Variants in ATP8A2 observed in about 807,000 individuals in gnomAD.
ATP8A2 encodes phospholipid-transporting ATPase IB.
Under a neutral mutation model 165.6 loss-of-function variants are expected in ATP8A2, and 100 were observed. The observed-to-expected ratio is 0.60, with a 90% CI of 0.51 to 0.71. The LOEUF is 0.71. Among genes scored for constraint, ATP8A2 ranks in the 30% least tolerant of loss-of-function variants. The pLI, the probability that ATP8A2 is intolerant of heterozygous loss-of-function variation, is 0.00. For missense variants in ATP8A2, 1,227 were observed against 1,479.5 expected, an observed-to-expected ratio of 0.83 and a Z score of 2.80; for synonymous variants, 543 against 548.8, an observed-to-expected ratio of 0.99 and a Z score of 0.15.
intron 25 of ATP8A2, among the ~76,000 whole-genome samples, chr13:25,741,732 A>G (rs1437968573): frequency 6.6e-6 from 1 of 152,196 alleles, no homozygotes; most frequent in African/African-American, 2.4e-5. Flanking sequence ...ATCTTCAACT[A>G]AAATACAACC....
chr13:25,744,331 C>T (rs34148127), intron 25 of ATP8A2, among the ~76,000 whole-genome samples: 6,022 of 152,044 alleles, frequency 0.04, 158 homozygotes, highest in Non-Finnish European at 0.06. Flanking sequence ...CACCACCCCC[C>T]CGTGTGTATG....
intron 27 of ATP8A2, among the ~76,000 whole-genome samples, chr13:25,784,456 C>T (rs1340775227): frequency 1.3e-5 from 2 of 152,226 alleles, no homozygotes; most frequent in East Asian, 1.9e-4. Context: ...TCAGAGACAG[C>T]ACCCACATAG....
chr13:25,519,256 G>A (rs987162154), intron 2 of ATP8A2, among the ~76,000 whole-genome samples: 3 of 152,048 alleles, frequency 2.0e-5, no homozygotes, highest in African/African-American at 7.3e-5. Context: ...ACCTTCCCTC[G>A]CCACTCTGTT....
intron 21 of ATP8A2, 54 bp from the exon 22 acceptor site, chr13:25,579,754 C>T: frequency 6.2e-7 from 1 of 1,600,068 alleles, no homozygotes; most frequent in Non-Finnish European, 8.6e-7. Flanking sequence ...ACAGGCTGTC[C>T]CCTAGGAGGT....
At chr13:25,986,926 A>T (rs923331272) in intron 35 of ATP8A2, among the ~76,000 whole-genome samples, 1 of 152,220 alleles carries the variant, frequency 6.6e-6, no homozygotes, top group Non-Finnish European at 1.5e-5. Context: ...CACTCTCTGT[A>T]CTGTTTATCC....
chr13:25,453,912 G>A (rs559025387), intron 1 of ATP8A2, among the ~76,000 whole-genome samples: 9 of 152,284 alleles, frequency 5.9e-5, no homozygotes, highest in Non-Finnish European at 1.2e-4. Context: ...CCTGAAGCTG[G>A]TATTGAAATT....
chr13:25,730,931 C>G (rs2043608146), intron 25 of ATP8A2, among the ~76,000 whole-genome samples: 1 of 151,768 alleles, frequency 6.6e-6, no homozygotes, highest in South Asian at 2.1e-4. Flanking sequence ...AAAAATTAGC[C>G]AGGTTGGCGG....
intron 1 of ATP8A2, among the ~76,000 whole-genome samples, chr13:25,379,192 G>T (rs2032747593): frequency 6.6e-6 from 1 of 152,120 alleles, no homozygotes; most frequent in African/African-American, 2.4e-5. Flanking sequence ...TTCACACATT[G>T]CAGGGAAGCA....
At chr13:25,723,486 G>C (rs2043428046) in intron 25 of ATP8A2, among the ~76,000 whole-genome samples, 1 of 152,156 alleles carries the variant, frequency 6.6e-6, no homozygotes, top group Non-Finnish European at 1.5e-5. Flanking sequence ...TGAGTTTCTT[G>C]TAGTTAGAAT....
intron 33 of ATP8A2, chr13:25,880,985 T>C (rs1341824904): frequency 2.2e-6 from 1 of 456,072 alleles, no homozygotes; most frequent in Non-Finnish European, 4.4e-6. Flanking sequence ...AAAGATTGAG[T>C]TTGTGTAGAC....
chr13:25,938,327 C>T (rs1039794569), intron 33 of ATP8A2, among the ~76,000 whole-genome samples: 2 of 152,058 alleles, frequency 1.3e-5, no homozygotes, highest in Non-Finnish European at 2.9e-5. Flanking sequence ...TGGAAATATG[C>T]GGGAGAATAC....
chr13:25,390,607 T>C (rs2137967317), intron 1 of ATP8A2, among the ~76,000 whole-genome samples: 2 of 152,298 alleles, frequency 1.3e-5, no homozygotes, highest in South Asian at 4.1e-4. Context: ...GTCTTCTTTG[T>C]CTGGCTTCTT....
chr13:25,621,204 G>A (rs1209857698), intron 24 of ATP8A2, among the ~76,000 whole-genome samples: 1 of 152,132 alleles, frequency 6.6e-6, no homozygotes, highest in Non-Finnish European at 1.5e-5. Flanking sequence ...GTTAAAAAAT[G>A]TTTACTTAGT....
chr13:25,923,504 G>C (rs567631951), intron 33 of ATP8A2, among the ~76,000 whole-genome samples: 1 of 152,190 alleles, frequency 6.6e-6, no homozygotes, highest in African/African-American at 2.4e-5. Flanking sequence ...TAATATTGAT[G>C]TCCAGCAGGC....
intron 35 of ATP8A2, among the ~76,000 whole-genome samples, chr13:25,968,935 C>T (rs151124793): frequency 1.3e-5 from 2 of 152,088 alleles, no homozygotes; most frequent in South Asian, 2.1e-4. Context: ...TGCAGAAAAT[C>T]GATGTTGTGG....
intron 33 of ATP8A2, among the ~76,000 whole-genome samples, chr13:25,926,669 T>A (rs535205576): frequency 6.6e-6 from 1 of 152,214 alleles, no homozygotes; most frequent in East Asian, 1.9e-4. Flanking sequence ...AAAATAAAAA[T>A]AAATGATTTA....
intron 1 of ATP8A2, among the ~76,000 whole-genome samples, chr13:25,416,389 T>C (rs546123214): frequency 6.6e-6 from 1 of 152,300 alleles, no homozygotes; most frequent in African/African-American, 2.4e-5. Flanking sequence ...GTCCTGTCAT[T>C]GCCATTGGAC....
intron 33 of ATP8A2, among the ~76,000 whole-genome samples, chr13:25,884,994 T>A (rs1953099137): frequency 6.6e-6 from 1 of 152,140 alleles, no homozygotes; most frequent in Non-Finnish European, 1.5e-5. Flanking sequence ...TGCATGGCCT[T>A]CCTGTTACTT....
intron 19 of ATP8A2, among the ~76,000 whole-genome samples, chr13:25,576,739 A>T (rs2039629616): frequency 6.6e-6 from 1 of 152,206 alleles, no homozygotes; most frequent in Non-Finnish European, 1.5e-5. Context: ...AGAGGTGGAA[A>T]ATAAAGAATA....
Sources: gnomAD v4.1 joint callset for allele counts (sites outside exome capture counted in the v4.1 genomes callset) on GRCh38, gnomAD v4.1.1 for gene constraint, MANE v1.5 for transcripts, NCBI Gene and HGNC (gene_info 2026-07-23, HGNC 2026-07-21) for gene names.